The following PRKAG2 variants were observed in gnomAD, a reference collection of about 807,000 sequenced individuals.
PRKAG2 encodes protein kinase AMP-activated non-catalytic subunit gamma 2.
A neutral mutation model predicts 69.6 loss-of-function variants in PRKAG2; 26 were observed. The observed-to-expected ratio is 0.37, with a 90% CI of 0.27 to 0.52. PRKAG2 has a LOEUF of 0.52. Among genes scored for constraint, PRKAG2 ranks in the 20% least tolerant of loss-of-function variants. The pLI, the probability that PRKAG2 is intolerant of heterozygous loss-of-function variation, is 0.90. For synonymous variants in PRKAG2, 293 were observed against 285.0 expected, an observed-to-expected ratio of 1.03 and a Z score of -0.28; for missense variants, 557 against 740.0, an observed-to-expected ratio of 0.75 and a Z score of 2.87.
rs2077145966 is a variant in PRKAG2, at chr7:151,789,000, G to A, written c.115-2459C>T. Among the ~76,000 whole-genome samples, 1 of 152,060 alleles carries A rather than the reference G, an allele frequency of 6.6e-6. No individual in the cohort carries two copies. Among genetic ancestry groups the A allele is most frequent in the Non-Finnish European group, 1.5e-5 (1 of 68,008 alleles). ...TCTGGGCTCTCCATTCCATTCCATT[G>A]GTCTATATGTCTGTATTTTATGGTA... On this transcript the variant is annotated intron_variant, in intron 1 of 15. Coordinates refer to ENST00000287878, the MANE Select transcript of PRKAG2 (RefSeq NM_016203.4). This position sits in a 1 kb window ranked among gnomAD's most constrained non-coding sequence, Gnocchi z 4.6.
chr7:151,776,315 G>C (rs146262962), intron 3 of PRKAG2, among the ~76,000 whole-genome samples: 1 of 152,184 alleles, frequency 6.6e-6, no homozygotes, highest in Non-Finnish European at 1.5e-5. Context: ...TCCTGAGCCC[G>C]GCCCCTGGCT....
chr7:151,826,723 G>A (rs1228750706), intron 1 of PRKAG2, among the ~76,000 whole-genome samples: 3 of 152,172 alleles, frequency 2.0e-5, no homozygotes, highest in African/African-American at 7.2e-5. Context: ...TCAAATACAC[G>A]GAGCCCTCTT....
chr7:151,857,358 G>A (rs1345558558), intron 1 of PRKAG2, among the ~76,000 whole-genome samples: 1 of 151,350 alleles, frequency 6.6e-6, no homozygotes, highest in African/African-American at 2.4e-5. Flanking sequence ...CCTGTGAGAG[G>A]GGGCTGTGCC....
chr7:151,570,189 T>G lies in PRKAG2; in HGVS notation c.1088A>C (p.Asn363Thr). ...YLQETFKPLV[N>T]ISPDASLFDA... is the part of the protein sequence containing the mutation. ...AGTTTACCTTGCATCTGGAGATATA[T>G]TCACTAAAGGCTTAAATGTTTCTTG... The change falls in exon 10 of 16, where the codon AAT (asparagine) becomes ACT (threonine). Residue 363 changes from asparagine (N) to threonine (T), a missense_variant. Physicochemically the swap from Asn to Thr is moderately conservative, Grantham distance 65. Transcript: ENST00000287878. 1 of 1,602,342 alleles carries G rather than the reference T, an allele frequency of 6.2e-7. No homozygotes were observed. The highest frequency in any genetic ancestry group is 8.5e-7 in the Non-Finnish European group (1 of 1,172,444).
At chr7:151,644,175 C>T (rs1210129953) in intron 4 of PRKAG2, among the ~76,000 whole-genome samples, 2 of 152,128 alleles carry the variant, frequency 1.3e-5, no homozygotes, top group Non-Finnish European at 2.9e-5. Context: ...TACAAATCTC[C>T]ACTAAATAAC....
At chr7:151,782,463 A>G (rs2076769121) in intron 2 of PRKAG2, among the ~76,000 whole-genome samples, 2 of 152,166 alleles carry the variant, frequency 1.3e-5, no homozygotes, top group African/African-American at 2.4e-5. Context: ...CAAAGCCCCA[A>G]ACCTCTGAGA....
At chr7:151,861,301 C>T (rs188708745) in intron 1 of PRKAG2, among the ~76,000 whole-genome samples, 2 of 152,152 alleles carry the variant, frequency 1.3e-5, no homozygotes, top group Admixed American at 1.3e-4. Flanking sequence ...GAGGCTGAGG[C>T]GGGTGCATCA....
At chr7:151,706,136 A>G (rs1203284468) in intron 3 of PRKAG2, among the ~76,000 whole-genome samples, 1 of 152,238 alleles carries the variant, frequency 6.6e-6, no homozygotes, top group Non-Finnish European at 1.5e-5. Context: ...GATATGCAGC[A>G]CAGAGAAGAC....
At chr7:151,840,718 A>C (rs1473578087) in intron 1 of PRKAG2, among the ~76,000 whole-genome samples, 3 of 152,372 alleles carry the variant, frequency 2.0e-5, no homozygotes, top group African/African-American at 7.2e-5. Context: ...GTGGTCCAGC[A>C]GGGTGCACAG....
At chr7:151,765,850 C>T (rs1160823084) in intron 3 of PRKAG2, among the ~76,000 whole-genome samples, 1 of 152,064 alleles carries the variant, frequency 6.6e-6, no homozygotes, top group Non-Finnish European at 1.5e-5. Context: ...TGTCTAATTC[C>T]CCAATTAGCC....
rs1354078633 is a variant in PRKAG2, at chr7:151,699,387, C to G, written c.467-23750G>C. Among the ~76,000 whole-genome samples the G allele has an allele frequency of 6.6e-6, 1 of 152,146 alleles. No individual in the cohort carries two copies. Among genetic ancestry groups the G allele is most frequent in the African/African-American group, 2.4e-5 (1 of 41,436 alleles). ...TGGTTACGATCCGGTTACATCTCAG[C>G]CCCCTGCTGAGAAAGAGGCGCTAAG... On this transcript the variant is annotated intron_variant, in intron 3 of 15. Coordinates refer to ENST00000287878, the MANE Select transcript of PRKAG2 (RefSeq NM_016203.4). The surrounding 1 kb of genome is among the most constrained non-coding windows in gnomAD (Gnocchi z 4.5).
intron 3 of PRKAG2, among the ~76,000 whole-genome samples, chr7:151,678,828 G>A (rs538884456): frequency 3.9e-5 from 6 of 152,136 alleles, no homozygotes; most frequent in African/African-American, 1.2e-4. Context: ...GCGTAGTGGC[G>A]CGCGCCTGTA....
rs1808521739 is a variant in PRKAG2, at chr7:151,574,894, A to G, written c.1002T>C (p.Pro334=). The G allele has an allele frequency of 1.2e-6, 2 of 1,613,570 alleles. No homozygotes were observed. The highest frequency in any genetic ancestry group is 1.7e-5 in the Admixed American group (1 of 59,998). The change falls in exon 8 of 16, where the codon CCT becomes CCC. Residue 334 remains proline (P), a synonymous_variant. Coordinates refer to ENST00000287878, the MANE Select transcript of PRKAG2 (RefSeq NM_016203.4). ...INILHRYYKS[P]MVQIYELEEH... ...CATAGGAACTGGTGCCACTTACCAT[A>G]GGTGATTTATAGTATCTATGTAGTA... is the stretch of plus-strand genomic sequence containing the variant.
At chr7:151,729,768 G>A (rs1459630983) in intron 3 of PRKAG2, among the ~76,000 whole-genome samples, 1 of 152,046 alleles carries the variant, frequency 6.6e-6, no homozygotes, top group East Asian at 1.9e-4. Flanking sequence ...GCTCCCTTCT[G>A]GGGCCTGGCC....
chr7:151,557,088 T>C lies in PRKAG2; in HGVS notation c.*113A>G. The C allele has an allele frequency of 6.6e-7, 1 of 1,510,020 alleles. No individual in the cohort carries two copies. The highest frequency in any genetic ancestry group is 9.2e-7 in the Non-Finnish European group (1 of 1,088,554). The allele number at this position is 1,510,020 out of a possible 1,614,324, so 93.5% of individuals were successfully genotyped here. On this transcript the variant is annotated 3_prime_UTR_variant, in exon 16 of 16. Transcript: ENST00000287878. The stretch of plus-strand genomic sequence containing the variant: ...TCAACATCACTGGAAGAAATACCTA[T>C]TGTTAAACCCTGATATACATTCTTA...
chr7:151,558,784 A>G, intron 15 of PRKAG2: 1 of 985,404 alleles, frequency 1.0e-6, no homozygotes, highest in South Asian at 4.7e-5. Context: ...TCCTCTCTGC[A>G]CCAGCAGTGA....
intron 4 of PRKAG2, among the ~76,000 whole-genome samples, chr7:151,657,163 C>A (rs1829560469): frequency 1.3e-5 from 2 of 151,656 alleles, no homozygotes; most frequent in African/African-American, 4.8e-5. Flanking sequence ...GGTGGTTATT[C>A]ATCAGCTGTT....
chr7:151,728,798 G>A (rs1038747538), intron 3 of PRKAG2, among the ~76,000 whole-genome samples: 7 of 152,136 alleles, frequency 4.6e-5, no homozygotes, highest in African/African-American at 9.7e-5. Flanking sequence ...GGGAGAGCAC[G>A]CACCTCGCTG....
chr7:151,590,683 C>T (rs1812864828), intron 6 of PRKAG2, among the ~76,000 whole-genome samples: 1 of 152,226 alleles, frequency 6.6e-6, no homozygotes, highest in African/African-American at 2.4e-5. Flanking sequence ...GGACAGGTTT[C>T]CGCATGCTGC....
Sources: gnomAD v4.1 joint callset for allele counts (sites outside exome capture counted in the v4.1 genomes callset) on GRCh38, gnomAD v4.1.1 for gene constraint, Gnocchi (gnomAD v3.1) non-coding constraint, MANE v1.5 for transcripts, NCBI Gene and HGNC (gene_info 2026-07-23, HGNC 2026-07-21) for gene names.